The following GALNT13 variants were observed in gnomAD, a reference collection of about 807,000 sequenced individuals.
GALNT13 encodes UDP-GalNAc:polypeptide N-acetylgalactosaminyltransferase 13.
Under a neutral mutation model 64.2 loss-of-function variants are expected in GALNT13, and 28 were observed. That is an observed-to-expected ratio of 0.44 (90% CI 0.32 to 0.60). The LOEUF (loss-of-function observed/expected upper bound fraction) is 0.60, where lower values mean the gene tolerates loss of function less well. Ranked by LOEUF, GALNT13 falls within the 20% of genes least tolerant of loss-of-function variation. The pLI is 0.05. For missense variants in GALNT13, 577 were observed against 669.8 expected (o/e 0.86, Z 1.53); for synonymous variants, 214 against 224.6 (o/e 0.95, Z 0.42).
At chr2:153,196,782 G>T in the GALNT13 span, among the ~76,000 whole-genome samples, 1 of 152,112 alleles carries the variant, frequency 6.6e-6, no homozygotes, top group Non-Finnish European at 1.5e-5. Context: ...GGCTCCAGGG[G>T]CTCCCACTTG....
At chr2:154,290,864 A>G (rs538420533) in intron 8 of GALNT13, among the ~76,000 whole-genome samples, 16 of 151,948 alleles carry the variant, frequency 1.1e-4, no homozygotes, top group Middle Eastern at 3.4e-3. Flanking sequence ...CAACCTTCAC[A>G]GTGAGTGTTA....
the GALNT13 span, among the ~76,000 whole-genome samples, chr2:153,090,469 C>T: frequency 1.3e-5 from 2 of 152,182 alleles, no homozygotes; most frequent in African/African-American, 4.8e-5. Context: ...CTCGGGACCT[C>T]TGGTTAGCCA....
At chr2:153,124,090 A>G in the GALNT13 span, among the ~76,000 whole-genome samples, 20,565 of 152,246 alleles carry the variant, frequency 0.14, 1,797 homozygotes, top group Admixed American at 0.23. Context: ...AGAGAGGTCC[A>G]CATAGCAAGG....
At chr2:153,904,644 T>A (rs1688440072) in intron 2 of GALNT13, among the ~76,000 whole-genome samples, 1 of 151,898 alleles carries the variant, frequency 6.6e-6, no homozygotes, top group Admixed American at 6.6e-5. Context: ...TTGTGTTGAT[T>A]TTTAAAATTG....
At chr2:154,157,684 C>A (rs983078899) in intron 4 of GALNT13, among the ~76,000 whole-genome samples, 1 of 152,178 alleles carries the variant, frequency 6.6e-6, no homozygotes, top group Non-Finnish European at 1.5e-5. Context: ...CTCTCTTGAG[C>A]CATCTCCGTA....
At chr2:153,570,101 G>C in the GALNT13 span, among the ~76,000 whole-genome samples, 1 of 152,068 alleles carries the variant, frequency 6.6e-6, no homozygotes, top group Non-Finnish European at 1.5e-5. Context: ...ATCCTCATCA[G>C]TATTAGTTAT....
At chr2:153,689,194 T>C in the GALNT13 span, among the ~76,000 whole-genome samples, 7 of 151,938 alleles carry the variant, frequency 4.6e-5, no homozygotes, top group East Asian at 1.9e-4. Context: ...GTATGAAATA[T>C]CAGTTAATCC....
At chr2:153,878,082 AT>A (rs1325182129) in intron 1 of GALNT13, among the ~76,000 whole-genome samples, 1 of 152,224 alleles carries the variant, frequency 6.6e-6, no homozygotes, top group African/African-American at 2.4e-5. Flanking sequence ...ATTTAAAAAA[AT>A]CAAGTGGTAA....
chr2:154,231,459 A>T (rs1688910821), intron 4 of GALNT13, among the ~76,000 whole-genome samples: 1 of 151,764 alleles, frequency 6.6e-6, no homozygotes, highest in African/African-American at 2.4e-5. Context: ...TTTTGTTTTT[A>T]TTTTGGGTTG....
the GALNT13 span, among the ~76,000 whole-genome samples, chr2:153,704,832 A>G: frequency 6.6e-6 from 1 of 152,202 alleles, no homozygotes; most frequent in Non-Finnish European, 1.5e-5. Context: ...CAGCATGAGA[A>G]CAGAGCATTA....
chr2:153,237,952 A>G, the GALNT13 span, among the ~76,000 whole-genome samples: 1 of 152,092 alleles, frequency 6.6e-6, no homozygotes, highest in Admixed American at 6.6e-5. Flanking sequence ...GCCCACCACC[A>G]GTGTATGACA....
the GALNT13 span, among the ~76,000 whole-genome samples, chr2:153,774,193 T>A: frequency 6.6e-6 from 1 of 152,104 alleles, no homozygotes; most frequent in Non-Finnish European, 1.5e-5. Context: ...ATTAAAGTAA[T>A]CAATAAATGT....
At chr2:153,880,369 GT>G (rs1169051460) in intron 1 of GALNT13, among the ~76,000 whole-genome samples, 18 of 151,958 alleles carry the variant, frequency 1.2e-4, no homozygotes, top group African/African-American at 4.3e-4. Flanking sequence ...TTTCTTTGGT[GT>G]TTTTTAAAAT....
chr2:154,300,159 G>T (rs1372755831), intron 8 of GALNT13, among the ~76,000 whole-genome samples: 2 of 130,938 alleles, frequency 1.5e-5, no homozygotes, highest in Non-Finnish European at 3.1e-5. Context: ...GGAGTGCAAT[G>T]GCGCGTGATC....
intron 1 of GALNT13, among the ~76,000 whole-genome samples, chr2:153,880,013 G>C (rs1686672760): frequency 6.6e-6 from 1 of 152,062 alleles, no homozygotes; most frequent in Non-Finnish European, 1.5e-5. Flanking sequence ...AAAATAAACA[G>C]CTGTTTGTTT....
At chr2:153,535,999 T>C in the GALNT13 span, among the ~76,000 whole-genome samples, 6 of 152,306 alleles carry the variant, frequency 3.9e-5, no homozygotes, top group East Asian at 9.7e-4. Context: ...GGTATTTCAG[T>C]TATCTGACTC....
chr2:154,231,725 G>T, intron 4 of GALNT13, among the ~76,000 whole-genome samples: 1 of 147,886 alleles, frequency 6.8e-6, no homozygotes, highest in South Asian at 2.3e-4. Context: ...TGGGCCATAT[G>T]CTATTAGGTT....
chr2:154,355,187 T>C (rs1211096283), intron 9 of GALNT13, among the ~76,000 whole-genome samples: 2 of 152,080 alleles, frequency 1.3e-5, no homozygotes, highest in Non-Finnish European at 2.9e-5. Context: ...TTGTATAGCC[T>C]GTAGATATTC....
chr2:154,438,867 A>C, intron 12 of GALNT13, 141 bp downstream of exon 12: 1 of 627,716 alleles, frequency 1.6e-6, no homozygotes, highest in Non-Finnish European at 2.7e-6. Context: ...ATATCCGGTA[A>C]TATTAGGATG....
Sources: allele counts gnomAD v4.1 joint callset (sites outside exome capture counted in the v4.1 genomes callset), GRCh38; gene constraint gnomAD v4.1.1; transcripts MANE v1.5; gene names NCBI Gene and HGNC (gene_info 2026-07-23, HGNC 2026-07-21).